Variants in LMOD3 observed in about 807,000 individuals in gnomAD.
The protein encoded by LMOD3 is leiomodin 3, also known as leiomodin-3.
In LMOD3, 31 loss-of-function variants were observed where a neutral mutation model predicts 41.8. The observed-to-expected ratio is 0.74, with a 90% CI of 0.56 to 1.00. LMOD3 has a LOEUF of 1.00. LMOD3 is among the 50% of genes least tolerant of loss of function. LMOD3 has a pLI of 0.00. For missense variants in LMOD3, 755 were observed against 679.5 expected (o/e 1.11, Z -1.23); for synonymous variants, 292 against 241.9 (o/e 1.21, Z -1.92).
intron 2 of LMOD3, among the ~76,000 whole-genome samples, chr3:69,109,520 CTTTT>C (rs923225067): frequency 4.1e-5 from 4 of 98,742 alleles, no homozygotes; most frequent in African/African-American, 8.8e-5. Context: ...CATGTTAACA[CTTTT>C]TTTTTTTTTT....
At chr3:69,115,465 G>A (rs931357990) in intron 2 of LMOD3, among the ~76,000 whole-genome samples, 1 of 150,846 alleles carries the variant, frequency 6.6e-6, no homozygotes, top group African/African-American at 2.5e-5. Flanking sequence ...CTGGGTGATA[G>A]AGTGAGATCC....
chr3:69,110,135 G>T (rs1421729766), intron 2 of LMOD3, among the ~76,000 whole-genome samples: 1 of 152,056 alleles, frequency 6.6e-6, no homozygotes, highest in Non-Finnish European at 1.5e-5. Context: ...CTGTAATCCT[G>T]GCTACTCAGG....
At chr3:69,117,465 T>C (rs759068909) in intron 2 of LMOD3, among the ~76,000 whole-genome samples, 2 of 152,214 alleles carry the variant, frequency 1.3e-5, no homozygotes, top group Non-Finnish European at 2.9e-5. Context: ...GTGGCTATAT[T>C]ACAGGAGATT....
chr3:69,122,291 CAGTTCTTCAGCAGACA>C lies in LMOD3; in HGVS notation c.80_95del (p.Leu27Ter), dbSNP rs1212229943. On this transcript the variant is annotated frameshift_variant, in exon 1 of 3. Transcript: ENST00000420581. LOFTEE classifies it high-confidence loss of function. ...CTTCCATTTCCGACTGCAGTTCTTT[CAGTTCTTCAGCAGACA>C]AGTTGGCCAAGATTTCATCTTCATT... 5.0e-6 allele frequency: 8 copies of C among 1,613,318 alleles called. No homozygotes were observed. The highest frequency in any genetic ancestry group is 2.7e-5 in the African/African-American group (2 of 74,906).
chr3:69,122,436 A>T lies in LMOD3; in HGVS notation c.-50T>A, dbSNP rs1297041723. The T allele has an allele frequency of 7.3e-7, 1 of 1,362,710 alleles. No homozygotes were observed. Among genetic ancestry groups the T allele is most frequent in the African/African-American group, 1.5e-5 (1 of 67,736 alleles). 84.4% of individuals were successfully genotyped at this position (1,362,710 alleles called of 1,614,324 possible). A position where few individuals can be genotyped will look rare whatever the true frequency, so the allele number is the denominator to read the frequency against. On this transcript the variant is annotated 5_prime_UTR_variant, in exon 1 of 3. Transcript: ENST00000420581. Reference sequence around the variant, plus strand: ...TAGAAAAGAAGAATAATCAAAGATGATTTTTAAAAAGAAGGAAAAAAGCCT... The same window carrying T: ...TAGAAAAGAAGAATAATCAAAGATGTTTTTTAAAAAGAAGGAAAAAAGCCT...
At chr3:69,116,730 A>G (rs2092375430) in intron 2 of LMOD3, among the ~76,000 whole-genome samples, 2 of 152,174 alleles carry the variant, frequency 1.3e-5, no homozygotes, top group African/African-American at 4.8e-5. Flanking sequence ...CTGACTTACC[A>G]CTATATCCCC....
intron 2 of LMOD3, among the ~76,000 whole-genome samples, chr3:69,113,620 G>A (rs1160188445): frequency 6.6e-6 from 1 of 152,212 alleles, no homozygotes; most frequent in African/African-American, 2.4e-5. Flanking sequence ...AATGGCTTTA[G>A]CCAACTGGAT....
At chr3:69,117,506 T>C (rs2092380557) in intron 2 of LMOD3, among the ~76,000 whole-genome samples, 1 of 152,216 alleles carries the variant, frequency 6.6e-6, no homozygotes, top group South Asian at 2.1e-4. Context: ...ATCAATCACC[T>C]GCGGCCTCTG....
intron 2 of LMOD3, among the ~76,000 whole-genome samples, chr3:69,111,857 C>T (rs2092351773): frequency 6.6e-6 from 1 of 152,208 alleles, no homozygotes; most frequent in Non-Finnish European, 1.5e-5. Context: ...AAAGAGGAAT[C>T]AGTCACTAAA....
In LMOD3 at chr3:69,113,906, G is replaced by C. The variant is rs191650417; in HGVS notation, c.1657-4785C>G. Among the ~76,000 whole-genome samples, 30 of 152,272 alleles carry C rather than the reference G, an allele frequency of 2.0e-4. No homozygotes were observed. In the East Asian group the frequency reaches 3.9e-3, roughly 20 times the overall value. ...AGGCCTATACCAGCCTAATGTCTTT[G>C]TGTTATCATACGACTCAGCTTTATT... On this transcript the variant is annotated intron_variant, in intron 2 of 2. Coordinates refer to ENST00000420581, the MANE Select transcript of LMOD3 (RefSeq NM_198271.5).
At chr3:69,117,427 A>G (rs966766898) in intron 2 of LMOD3, among the ~76,000 whole-genome samples, 6 of 152,252 alleles carry the variant, frequency 3.9e-5, no homozygotes, top group African/African-American at 1.4e-4. Flanking sequence ...ACAAAATAAT[A>G]TACAGACTAT....
chr3:69,114,546 C>T (rs1052932104), intron 2 of LMOD3, among the ~76,000 whole-genome samples: 79 of 152,142 alleles, frequency 5.2e-4, no homozygotes, highest in Middle Eastern at 3.2e-3. Context: ...CTCGCTCTGT[C>T]GCCCAGGCTG....
At chr3:69,117,851 T>TTTTTTTTTTTTTTTTTTTTA (rs1559660748) in intron 2 of LMOD3, among the ~76,000 whole-genome samples, 16 of 151,046 alleles carry the variant, frequency 1.1e-4, no homozygotes, top group African/African-American at 3.7e-4. Context: ...TTTTTTTTTT[T>TTTTTTTTTTTTTTTTTTTTA]AGATGGAGTC....
rs546583536 is a variant in LMOD3, at chr3:69,119,244, G to T, written c.1111C>A (p.Leu371Met). The T allele has an allele frequency of 4.3e-6, 7 of 1,613,940 alleles. No homozygotes were observed. In the Admixed American group the frequency reaches 6.7e-5, roughly 15 times the overall value. The change falls in exon 2 of 3, where the codon CTG becomes ATG. Residue 371 changes from leucine to methionine, a missense_variant. Leu to Met is a conservative substitution (Grantham distance 15). Transcript: ENST00000420581. ...AGCTCAAAATGGTAGCCCATCTTCAGGAGAGTGTTGTTTGCCTTCAAAAGC... is the reference window on the plus strand; with the variant it reads ...AGCTCAAAATGGTAGCCCATCTTCATGAGAGTGTTGTTTGCCTTCAAAAGC... ...ARLLKANNTL[L>M]KMGYHFELPG...
intron 2 of LMOD3, among the ~76,000 whole-genome samples, chr3:69,110,853 A>AAAATAT (rs1458630453): frequency 2.1e-4 from 22 of 104,120 alleles, no homozygotes; most frequent in Non-Finnish European, 2.8e-4. Flanking sequence ...AAAAAAAAAA[A>AAAATAT]ATATATATAT....
Position 69,119,070 on chromosome 3 carries a change from C to T in LMOD3, c.1285G>A (p.Gly429Arg). 1 of 1,613,730 alleles carries T rather than the reference C, an allele frequency of 6.2e-7. No individual in the cohort carries two copies. The highest frequency in any genetic ancestry group is 8.5e-7 in the Non-Finnish European group (1 of 1,179,844). ...MLENGLGLPP[G>R]MWELLGGPKP... ...GGTCCTCCCAACAGCTCCCACATCC[C>T]AGGGGGCAGCCCCAACCCATTCTCT... The change falls in exon 2 of 3, where the codon GGG (glycine) becomes AGG (arginine). Residue 429 changes from glycine to arginine, a missense_variant. Coordinates refer to ENST00000420581, the MANE Select transcript of LMOD3 (RefSeq NM_198271.5).
intron 2 of LMOD3, among the ~76,000 whole-genome samples, chr3:69,112,899 G>T (rs765388596): frequency 4.6e-5 from 7 of 152,192 alleles, no homozygotes; most frequent in Non-Finnish European, 1.0e-4. Context: ...CTTTAGAAAA[G>T]TGTATAAAAA....
rs771791917 is a variant in LMOD3 at position 69,107,854 on chromosome 3, G to T, written c.*1241C>A. ...AATCTCAAATTCTATGCACCTAGTG[G>T]CTAGAATGAATAATTAAGGCCTCTA... On this transcript the variant is annotated 3_prime_UTR_variant, in exon 3 of 3. Coordinates refer to ENST00000420581, the MANE Select transcript of LMOD3 (RefSeq NM_198271.5). 1 of 152,070 alleles carries T rather than the reference G, an allele frequency of 6.6e-6. No homozygotes were observed. Among genetic ancestry groups the T allele is most frequent in the Non-Finnish European group, 1.5e-5 (1 of 68,024 alleles). The allele number at this position is 152,070 out of a possible 1,614,324, so 9.4% of individuals were successfully genotyped here.
At position 69,119,363 on chromosome 3, in the gene LMOD3, A is replaced by T; in HGVS notation, c.992T>A (p.Met331Lys). Residue 331 changes from methionine (M) to lysine (K), a missense_variant, in exon 2 of 3, where the codon ATG (methionine) becomes AAG (lysine). Coordinates refer to ENST00000420581, the MANE Select transcript of LMOD3 (RefSeq NM_198271.5). The part of the protein sequence containing the change: ...FITGKGIVAI[M>K]RCLQFNETLT... ...CGTCTCATTAAACTGGAGACACCTC[A>T]TGATGGCCACAATCCCTTTACCTGT... 6.2e-7 allele frequency: 1 copy of T among 1,614,014 alleles called. No homozygotes were observed. The highest frequency in any genetic ancestry group is 8.5e-7 in the Non-Finnish European group (1 of 1,179,888).
Sources: allele counts gnomAD v4.1 joint callset (sites outside exome capture counted in the v4.1 genomes callset), GRCh38; gene constraint gnomAD v4.1.1; transcripts MANE v1.5; gene names NCBI Gene and HGNC (gene_info 2026-07-23, HGNC 2026-07-21).